The following FAT1 variants were observed in gnomAD, a reference collection of about 807,000 sequenced individuals.
The protein encoded by FAT1 is FAT atypical cadherin 1, also known as protocadherin Fat 1.
In FAT1, 171 loss-of-function variants were observed where a neutral mutation model predicts 329.8. That is an observed-to-expected ratio of 0.52 (90% CI 0.46 to 0.59). FAT1 has a LOEUF of 0.59. Ranked by LOEUF, FAT1 falls within the 20% of genes least tolerant of loss-of-function variation. The probability of loss-of-function intolerance (pLI) is 0.00; values close to 1 mark genes in which losing one functional copy is unlikely to be tolerated. For missense variants in FAT1, 5,672 were observed against 5,774.4 expected, an observed-to-expected ratio of 0.98 and a Z score of 0.57; for synonymous variants, 2,233 against 2,228.6, an observed-to-expected ratio of 1.00 and a Z score of -0.06.
rs115457523 is a variant in FAT1, at chr4:186,645,923, G to T, written c.3581-6140C>A. Among the ~76,000 whole-genome samples, 596 of 125,868 alleles carry T rather than the reference G, an allele frequency of 4.7e-3. 6 individuals are homozygous for T. Among genetic ancestry groups the T allele is most frequent in the African/African-American group, 0.017 (557 of 32,684 alleles). The allele number at this position is 125,868 out of a possible 152,430, so 82.6% of individuals were successfully genotyped here. A position where few individuals can be genotyped will look rare whatever the true frequency, so the allele number is the denominator to read the frequency against. Reference sequence around the variant, plus strand: ...GGCGGACCACTGCAATTGAGCTTAGGTTACAGAGTGAGACTGTCTCACAAA... The same window carrying T: ...GGCGGACCACTGCAATTGAGCTTAGTTTACAGAGTGAGACTGTCTCACAAA... On this transcript the variant is annotated intron_variant, in intron 3 of 26. Transcript: ENST00000441802.
At chr4:186,601,574 T>C (rs1322457878) in intron 20 of FAT1, 148 bp from the exon 21 acceptor site, 9 of 551,996 alleles carry the variant, frequency 1.6e-5, no homozygotes, top group Non-Finnish European at 2.7e-5. Context: ...AAAACGTCTA[T>C]TTGCTTAATG....
intron 25 of FAT1, 75 bp from the exon 26 acceptor site, chr4:186,595,901 C>T (rs1252662407): frequency 4.1e-6 from 6 of 1,468,584 alleles, no homozygotes; most frequent in African/African-American, 2.8e-5. Flanking sequence ...TGAGACACAC[C>T]ATGCATTACC....
chr4:186,713,953 C>A (rs780804340), intron 1 of FAT1, among the ~76,000 whole-genome samples: 2 of 152,196 alleles, frequency 1.3e-5, no homozygotes, highest in Non-Finnish European at 2.9e-5. Flanking sequence ...TCCCGAACTG[C>A]TAGGATTACA....
rs1297605170 is a variant in FAT1 at position 186,633,760 on chromosome 4, G to A, written c.4247C>T (p.Pro1416Leu). The A allele has an allele frequency of 6.2e-7, 1 of 1,613,832 alleles. No individual in the cohort carries two copies. The highest frequency in any genetic ancestry group is 1.3e-5 in the African/African-American group (1 of 74,920). ...GTTTGACTTCTGTTCTGCATCAAGA[G>A]GTTTGGCAACAATGATGGTTCCAGT... ...KGTGTIIVAK[P>L]LDAEQKSNYN... The change falls in exon 7 of 27, where the codon CCT becomes CTT. Residue 1416 changes from proline to leucine, a missense_variant. Pro to Leu is a moderately conservative substitution (Grantham distance 98, BLOSUM62 -3). This residue lies in a region of FAT1 where 3,966 missense variants were observed against 3,915.2 expected (regional missense o/e 1.01). Coordinates refer to ENST00000441802, the MANE Select transcript of FAT1 (RefSeq NM_005245.4).
At chr4:186,662,183 G>T (rs73873681) in intron 3 of FAT1, among the ~76,000 whole-genome samples, 7,312 of 151,578 alleles carry the variant, frequency 0.048, 580 homozygotes, top group African/African-American at 0.17. Flanking sequence ...TGGAGGTCTG[G>T]GACCGCCACT....
At position 186,609,159 on chromosome 4, in the gene FAT1, C is replaced by T. The variant is rs4862722; in HGVS notation, c.10206+24G>A. The T allele has an allele frequency of 1, 1,603,470 of 1,609,768 alleles. 798,600 individuals are homozygous for T. The highest frequency in any genetic ancestry group is 1 in the East Asian group (44,863 of 44,864). Reference sequence around the variant, plus strand: ...TATTGATGTGGTGATTTGTAAACAACGTAAATCAACCTTTTTCACTTACCG... The same window carrying T: ...TATTGATGTGGTGATTTGTAAACAATGTAAATCAACCTTTTTCACTTACCG... On this transcript the variant is annotated intron_variant, in intron 16 of 26. Transcript: ENST00000441802.
intron 3 of FAT1, among the ~76,000 whole-genome samples, chr4:186,650,171 G>A (rs1192365506): frequency 6.6e-6 from 1 of 152,212 alleles, no homozygotes; most frequent in Non-Finnish European, 1.5e-5. Flanking sequence ...GAGGAGGAGA[G>A]AGCAGGATGC....
At chr4:186,691,955 T>C (rs1366198151) in intron 2 of FAT1, among the ~76,000 whole-genome samples, 1 of 152,168 alleles carries the variant, frequency 6.6e-6, no homozygotes, top group Non-Finnish European at 1.5e-5. Flanking sequence ...ATAATGATTA[T>C]TTTTATGTGG....
intron 11 of FAT1, 70 bp from the exon 12 acceptor site, chr4:186,614,414 G>T: frequency 9.7e-7 from 1 of 1,029,902 alleles, no homozygotes; most frequent in Non-Finnish European, 1.3e-6. Context: ...AGGGAATAAT[G>T]GAAAAGAAAT....
At chr4:186,622,543 T>C (rs1190557919) in intron 9 of FAT1, among the ~76,000 whole-genome samples, 1 of 152,224 alleles carries the variant, frequency 6.6e-6, no homozygotes, top group Non-Finnish European at 1.5e-5. Context: ...TGGTTCCAAA[T>C]GTCAGCAGTG....
intron 2 of FAT1, among the ~76,000 whole-genome samples, chr4:186,700,819 G>A (rs184455273): frequency 1.9e-4 from 29 of 152,280 alleles, no homozygotes; most frequent in Non-Finnish European, 3.8e-4. Context: ...ACAGAATGCC[G>A]GGCCCAGTGC....
intron 21 of FAT1, among the ~76,000 whole-genome samples, chr4:186,600,582 C>T (rs1474839586): frequency 4.6e-5 from 7 of 152,024 alleles, no homozygotes; most frequent in Admixed American, 1.3e-4. Flanking sequence ...ATCATGGAAG[C>T]GAATAATTAA....
At chr4:186,705,681 G>C (rs1269895451) in intron 2 of FAT1, among the ~76,000 whole-genome samples, 1 of 152,202 alleles carries the variant, frequency 6.6e-6, no homozygotes, top group Non-Finnish European at 1.5e-5. Flanking sequence ...CACTCCACCA[G>C]GACATATTGA....
At chr4:186,682,320 A>G (rs1489290506) in intron 2 of FAT1, among the ~76,000 whole-genome samples, 3 of 152,150 alleles carry the variant, frequency 2.0e-5, no homozygotes, top group African/African-American at 7.2e-5. Flanking sequence ...TGAGGTCAGG[A>G]GTTCGAGAAC....
chr4:186,668,736 T>C (rs1742585754), intron 2 of FAT1, among the ~76,000 whole-genome samples: 1 of 152,210 alleles, frequency 6.6e-6, no homozygotes, highest in Non-Finnish European at 1.5e-5. Flanking sequence ...TGATTTCTTC[T>C]GTAACTTTAG....
chr4:186,654,915 C>CAA lies in FAT1; in HGVS notation c.3580+8382_3580+8383dup, dbSNP rs200887568. Among the ~76,000 whole-genome samples, 58 of 134,670 alleles carry CAA rather than the reference C, an allele frequency of 4.3e-4. 1 individual carries two copies. Among genetic ancestry groups the CAA allele is most frequent in the East Asian group, 1.1e-3 (5 of 4,732 alleles). 88.3% of individuals were successfully genotyped at this position (134,670 alleles called of 152,430 possible). On this transcript the variant is annotated intron_variant, in intron 3 of 26. Coordinates refer to ENST00000441802, the MANE Select transcript of FAT1 (RefSeq NM_005245.4). ...CAGAGTGATACACTGTCTCGAAAAA[C>CAA]AAAAAAAAAAACAAAAAAAACTTCA...
At position 186,617,130 on chromosome 4, in the gene FAT1, G is replaced by A; in HGVS notation, c.8950C>T (p.Leu2984=). ...TAATTGTCCCTTTTTTCCCTGTCTA[G>A]AGGTTTCTTCACATATACCTTCCAT... ...NEWKVYVKKP[L]DREKRDNYLL... Residue 2984 remains leucine, a synonymous_variant, in exon 11 of 27, where the codon CTA becomes TTA. Transcript: ENST00000441802. 6.2e-7 allele frequency: 1 copy of A among 1,613,856 alleles called. No individual in the cohort carries two copies. The highest frequency in any genetic ancestry group is 8.5e-7 in the Non-Finnish European group (1 of 1,179,810).
chr4:186,660,965 C>T (rs993474686), intron 3 of FAT1, among the ~76,000 whole-genome samples: 1 of 152,192 alleles, frequency 6.6e-6, no homozygotes, highest in African/African-American at 2.4e-5. Context: ...TTCTTGCTTG[C>T]TCATCTATCT....
rs765408360 is a variant in FAT1 at position 186,603,054 on chromosome 4, A to G, written c.11351-20T>C. Reference sequence around the variant, plus strand: ...TTCCCTCTTCATTCAAAGAGGGGAGAAAGGGAAAAGATAATTAACAGACAT... The same window carrying G: ...TTCCCTCTTCATTCAAAGAGGGGAGGAAGGGAAAAGATAATTAACAGACAT... On this transcript the variant is annotated intron_variant, in intron 19 of 26. Coordinates refer to ENST00000441802, the MANE Select transcript of FAT1 (RefSeq NM_005245.4). 2.5e-6 allele frequency: 4 copies of G among 1,613,650 alleles called. No homozygotes were observed. In the East Asian group the frequency reaches 8.9e-5, roughly 36 times the overall value.
Sources: gnomAD v4.1 joint callset for allele counts (sites outside exome capture counted in the v4.1 genomes callset) on GRCh38, gnomAD v4.1.1 for gene constraint, gnomAD v4.1.1 regional missense constraint, MANE v1.5 for transcripts, NCBI Gene and HGNC (gene_info 2026-07-23, HGNC 2026-07-21) for gene names.